The following SLFN12L variants were observed in gnomAD, a reference collection of about 807,000 sequenced individuals.
The protein encoded by SLFN12L is schlafen family member 12-like.
Under a neutral mutation model 34.8 loss-of-function variants are expected in SLFN12L, and 34 were observed. That is an observed-to-expected ratio of 0.98 (90% CI 0.74 to 1.30). The LOEUF (loss-of-function observed/expected upper bound fraction) is 1.30, where lower values mean the gene tolerates loss of function less well. Among genes scored for constraint, SLFN12L ranks in the 50% most tolerant of loss-of-function variants. SLFN12L has a pLI of 0.00. For synonymous variants in SLFN12L, 259 were observed against 247.5 expected (o/e 1.05, Z -0.44); for missense variants, 703 against 696.2 (o/e 1.01, Z -0.11).
chr17:35,494,888 AT>A (rs1298157446), intron 2 of SLFN12L, among the ~76,000 whole-genome samples: 14 of 134,820 alleles, frequency 1.0e-4, no homozygotes, highest in Non-Finnish European at 1.4e-4. Flanking sequence ...TAATTTATTT[AT>A]TTTATTTATT....
At chr17:35,483,331 T>A (rs1156530780) in intron 2 of SLFN12L, among the ~76,000 whole-genome samples, 1 of 152,184 alleles carries the variant, frequency 6.6e-6, no homozygotes, top group African/African-American at 2.4e-5. Flanking sequence ...CTTGTCTGCA[T>A]ACCTCATTCT....
intron 2 of SLFN12L, among the ~76,000 whole-genome samples, chr17:35,517,629 C>A (rs1915872747): frequency 6.6e-6 from 1 of 152,156 alleles, no homozygotes; most frequent in African/African-American, 2.4e-5. Flanking sequence ...GGAGGCATCA[C>A]ACTACCTAAC....
intron 2 of SLFN12L, among the ~76,000 whole-genome samples, chr17:35,502,838 AG>A (rs900105155): frequency 1.3e-5 from 2 of 152,200 alleles, no homozygotes; most frequent in African/African-American, 4.8e-5. Flanking sequence ...CAGGAAAAAA[AG>A]GGGGGCAGAA....
In SLFN12L at chr17:35,479,332, T is replaced by C. The variant is rs749052465; in HGVS notation, c.950A>G (p.His317Arg). ...TATCGTCCCCTTCTCCACACAGAAG[T>C]GATGCACAGGCAGTTTCCCAATGGA... is the stretch of plus-strand genomic sequence containing the variant. Reference protein sequence around the residue: ...KNSIGKLPVHHFCVEKGTINY... With the variant: ...KNSIGKLPVHRFCVEKGTINY... Residue 317 changes from histidine to arginine, a missense_variant, in exon 3 of 5, where the codon CAC becomes CGC. Coordinates refer to ENST00000628453, the MANE Select transcript of SLFN12L (RefSeq NM_001363830.2). The C allele has an allele frequency of 6.3e-7, 1 of 1,588,024 alleles. No homozygotes were observed. The highest frequency in any genetic ancestry group is 8.6e-7 in the Non-Finnish European group (1 of 1,165,522).
In SLFN12L at chr17:35,468,017, C is replaced by T. The variant is rs1913742689; in HGVS notation, c.*6906G>A. 6.6e-6 allele frequency among the ~76,000 whole-genome samples: 1 copy of T among 152,142 alleles called. No homozygotes were observed. Among genetic ancestry groups the T allele is most frequent in the African/African-American group, 2.4e-5 (1 of 41,424 alleles). Reference sequence around the variant, plus strand: ...CTCTACTTCCTGGGTTCAGACAATCCTCTCACCTCAGCCTCCTGAGAAGCT... The same window carrying T: ...CTCTACTTCCTGGGTTCAGACAATCTTCTCACCTCAGCCTCCTGAGAAGCT... On this transcript the variant is annotated 3_prime_UTR_variant, in exon 5 of 5. Coordinates refer to ENST00000628453, the MANE Select transcript of SLFN12L (RefSeq NM_001363830.2).
Position 35,505,216 on chromosome 17 carries a change from A to G in SLFN12L, c.86+17063T>C, listed in dbSNP as rs193267117. Among the ~76,000 whole-genome samples, 587 of 152,356 alleles carry G rather than the reference A, an allele frequency of 3.9e-3. 5 individuals are homozygous for G. The highest frequency in any genetic ancestry group is 0.013 in the African/African-American group (544 of 41,574). On this transcript the variant is annotated intron_variant, in intron 2 of 4. Coordinates refer to ENST00000628453, the MANE Select transcript of SLFN12L (RefSeq NM_001363830.2). Reference sequence around the variant, plus strand: ...TTTTCATGAGTTAAAAGAAAAACTCATGTCGGCCCCAGCCCTGGGGCTACA... The same window carrying G: ...TTTTCATGAGTTAAAAGAAAAACTCGTGTCGGCCCCAGCCCTGGGGCTACA...
chr17:35,480,435 G>T, intron 2 of SLFN12L: 1 of 388,524 alleles, frequency 2.6e-6, no homozygotes. Context: ...TTTTAATCTT[G>T]TCTTTATGTG....
At chr17:35,484,471 C>T (rs1448964844) in intron 2 of SLFN12L, among the ~76,000 whole-genome samples, 1 of 152,182 alleles carries the variant, frequency 6.6e-6, no homozygotes, top group Non-Finnish European at 1.5e-5. Context: ...GGAATGCCCT[C>T]CTTGAAATTA....
intron 2 of SLFN12L, among the ~76,000 whole-genome samples, chr17:35,509,509 T>C (rs1915568523): frequency 6.6e-6 from 1 of 152,082 alleles, no homozygotes; most frequent in African/African-American, 2.4e-5. Context: ...GTCACAGCAA[T>C]TTGGGAAGTT....
chr17:35,484,153 G>A (rs1484062686), intron 2 of SLFN12L, among the ~76,000 whole-genome samples: 3 of 152,134 alleles, frequency 2.0e-5, no homozygotes, highest in Admixed American at 2.0e-4. Flanking sequence ...TGTGCTCTGA[G>A]ACTCTAATGT....
chr17:35,529,572 T>C (rs2072370665), intron 1 of SLFN12L, among the ~76,000 whole-genome samples: 1 of 152,098 alleles, frequency 6.6e-6, no homozygotes. Flanking sequence ...GAAACCATCA[T>C]TCTCAGCAAA....
chr17:35,496,580 T>C (rs181673667), intron 2 of SLFN12L, among the ~76,000 whole-genome samples: 23 of 147,712 alleles, frequency 1.6e-4, no homozygotes, highest in Non-Finnish European at 2.8e-4. Context: ...TCCCTTCCCT[T>C]CTCCCTGGAA....
intron 1 of SLFN12L, among the ~76,000 whole-genome samples, chr17:35,530,437 AAGGG>A (rs1567694091): frequency 0.05 from 628 of 12,630 alleles, 131 homozygotes; most frequent in South Asian, 0.1. Flanking sequence ...AAGGGAAGGG[AAGGG>A]AAGAAAGAAA....
intron 4 of SLFN12L, 140 bp from the exon 5 acceptor site, chr17:35,475,625 A>G: frequency 7.5e-7 from 1 of 1,328,344 alleles, no homozygotes; most frequent in African/African-American, 1.5e-5. Flanking sequence ...AGGGCCAGGC[A>G]TGGTGGCTCA....
chr17:35,530,517 GAAAAGA>G, intron 1 of SLFN12L, among the ~76,000 whole-genome samples: 1 of 61,770 alleles, frequency 1.6e-5, no homozygotes, highest in South Asian at 5.1e-4. Context: ...AGAAAGAAAA[GAAAAGA>G]AAAGAAAAGA....
chr17:35,487,472 C>A (rs935964677), intron 2 of SLFN12L, among the ~76,000 whole-genome samples: 3 of 118,862 alleles, frequency 2.5e-5, no homozygotes, highest in Non-Finnish European at 5.4e-5. Context: ...CCACGGACCA[C>A]CCCCCCCGGA....
At chr17:35,490,337 A>G (rs1334800130) in intron 2 of SLFN12L, 15 of 1,392,054 alleles carry the variant, frequency 1.1e-5, no homozygotes, top group Non-Finnish European at 1.5e-5. Flanking sequence ...TCCAAAATCT[A>G]CCTCAGAAAA....
At chr17:35,480,800 A>G (rs1914301380) in intron 2 of SLFN12L, among the ~76,000 whole-genome samples, 1 of 152,064 alleles carries the variant, frequency 6.6e-6, no homozygotes, top group Non-Finnish European at 1.5e-5. Flanking sequence ...TCAAACATCC[A>G]CGTTTACAAG....
chr17:35,512,172 T>TTTTTTA (rs1915667044), intron 2 of SLFN12L, among the ~76,000 whole-genome samples: 2 of 102,322 alleles, frequency 2.0e-5, no homozygotes, highest in African/African-American at 3.2e-5. Flanking sequence ...TTTTTTTTTT[T>TTTTTTA]GAGACGGAGT....
Sources: gnomAD v4.1 joint callset for allele counts (sites outside exome capture counted in the v4.1 genomes callset) on GRCh38, gnomAD v4.1.1 for gene constraint, MANE v1.5 for transcripts, NCBI Gene and HGNC (gene_info 2026-07-23, HGNC 2026-07-21) for gene names.